The following HEATR3 variants were observed in gnomAD, a reference collection of about 807,000 sequenced individuals.
The protein encoded by HEATR3 is HEAT repeat-containing protein 3.
A neutral mutation model predicts 72.8 loss-of-function variants in HEATR3; 56 were observed. The observed-to-expected ratio is 0.77, with a 90% confidence interval of 0.62 to 0.96. The LOEUF (loss-of-function observed/expected upper bound fraction) is 0.96. Ranked by LOEUF, HEATR3 falls within the 40% of genes least tolerant of loss-of-function variation. HEATR3 has a pLI of 0.00. For missense variants in HEATR3, 747 were observed against 831.4 expected, an observed-to-expected ratio of 0.90 and a Z score of 1.25; for synonymous variants, 331 against 318.1, an observed-to-expected ratio of 1.04 and a Z score of -0.43.
chr16:50,070,385 G>A lies in HEATR3; in HGVS notation c.512+95G>A, dbSNP rs564319698. On this transcript the variant is annotated intron_variant, in intron 4 of 14. Transcript: ENST00000299192. ...TAGGAATCTCTGTTCCCCTTGGTAGGCCTGTTAATCTGGGATGTTAAGACA... is the reference window on the plus strand; with the variant it reads ...TAGGAATCTCTGTTCCCCTTGGTAGACCTGTTAATCTGGGATGTTAAGACA... 1.7e-5 allele frequency: 9 copies of A among 521,660 alleles called. No individual in the cohort carries two copies. The South Asian group carries it at 2.1e-4, about 12-fold the overall frequency. The allele number at this position is 521,660 out of a possible 1,614,324, so 32.3% of individuals were successfully genotyped here.
Position 50,083,126 on chromosome 16 carries a change from T to A in HEATR3, c.1042-811T>A, listed in dbSNP as rs191919437. Among the ~76,000 whole-genome samples the A allele has an allele frequency of 3.8e-4, 58 of 151,856 alleles. 1 individual carries two copies. Among genetic ancestry groups the A allele is most frequent in the African/African-American group, 1.4e-3 (58 of 41,418 alleles). ...TCCAGCCTAGGCAACAGAGTGAGAC[T>A]CTGTCTCTAAGGGGGAAAAAAAAAG... is the stretch of plus-strand genomic sequence containing the variant. On this transcript the variant is annotated intron_variant, in intron 7 of 14. Transcript: ENST00000299192.
At chr16:50,071,302 G>A (rs1486954372) in intron 4 of HEATR3, among the ~76,000 whole-genome samples, 1 of 152,204 alleles carries the variant, frequency 6.6e-6, no homozygotes, top group Non-Finnish European at 1.5e-5. Context: ...AGATTAAGTT[G>A]GATCCTGAAA....
chr16:50,105,375 T>C lies in HEATR3; in HGVS notation c.*314T>C. On this transcript the variant is annotated 3_prime_UTR_variant, in exon 15 of 15. Coordinates refer to ENST00000299192, the MANE Select transcript of HEATR3 (RefSeq NM_182922.4). The stretch of plus-strand genomic sequence containing the variant: ...TACTCGGGAGGCTGAGGGAGGAGAG[T>C]CGGTTGAACCTGGGAGACAGAGGTT... 7.4e-6 allele frequency: 2 copies of C among 271,460 alleles called. No homozygotes were observed. Among genetic ancestry groups the C allele is most frequent in the Non-Finnish European group, 1.4e-5 (2 of 144,332 alleles). The allele number at this position is 271,460 out of a possible 1,614,324, so 16.8% of individuals were successfully genotyped here.
Position 50,090,199 on chromosome 16 carries a change from G to A in HEATR3, c.1510+3848G>A, listed in dbSNP as rs576360745. Among the ~76,000 whole-genome samples, 30 of 152,038 alleles carry A rather than the reference G, an allele frequency of 2.0e-4. 1 individual carries two copies. The South Asian group carries it at 6.0e-3, about 31-fold the overall frequency. On this transcript the variant is annotated intron_variant, in intron 11 of 14. Coordinates refer to ENST00000299192, the MANE Select transcript of HEATR3 (RefSeq NM_182922.4). ...GTGATACCCTGTCTCCTCCAAAAAGGTTTTTTAATTAGCCAGGAGTGGTAT... is the reference window on the plus strand; with the variant it reads ...GTGATACCCTGTCTCCTCCAAAAAGATTTTTTAATTAGCCAGGAGTGGTAT...
rs182924809 is a variant in HEATR3, at chr16:50,104,756, A to G, written c.1921-183A>G. Among the ~76,000 whole-genome samples the G allele has an allele frequency of 3.5e-3, 534 of 152,300 alleles. 2 individuals carry two copies. Among genetic ancestry groups the G allele is most frequent in the African/African-American group, 0.012 (499 of 41,556 alleles). On this transcript the variant is annotated intron_variant, in intron 14 of 14. Transcript: ENST00000299192. ...TTGTAACTATCATTTTTAATAATGCACATTCTCAGTTTATTCTTTACTTAC... is the reference window on the plus strand; with the variant it reads ...TTGTAACTATCATTTTTAATAATGCGCATTCTCAGTTTATTCTTTACTTAC...
Position 50,084,234 on chromosome 16 carries a change from C to A in HEATR3, c.1233C>A (p.Pro411=). Residue 411 remains proline (P), a synonymous_variant, in exon 9 of 15, where the codon CCC becomes CCA. Transcript: ENST00000299192. ...FSECGGQLFS[P]LCLSHEVHTA... ...AGTGCGGGGGACAGCTGTTTTCTCC[C>A]CTCTGCCTCTCCCATGAAGTTCACA... is the stretch of plus-strand genomic sequence containing the variant. 6.2e-7 allele frequency: 1 copy of A among 1,614,102 alleles called. No individual in the cohort carries two copies. Among genetic ancestry groups the A allele is most frequent in the Non-Finnish European group, 8.5e-7 (1 of 1,180,026 alleles).
chr16:50,091,458 C>A (rs1009632964), intron 11 of HEATR3, among the ~76,000 whole-genome samples: 32 of 151,922 alleles, frequency 2.1e-4, no homozygotes, highest in Admixed American at 7.2e-4. Flanking sequence ...CAGAGTGATA[C>A]TCCGTCTAAA....
intron 14 of HEATR3, 99 bp from the exon 15 acceptor site, chr16:50,104,840 T>C: frequency 8.9e-7 from 1 of 1,118,300 alleles, no homozygotes; most frequent in African/African-American, 1.6e-5. Context: ...AGCTATCTGC[T>C]TCAGCAAATG....
At chr16:50,068,323 T>C (rs989453638) in intron 2 of HEATR3, among the ~76,000 whole-genome samples, 2 of 152,190 alleles carry the variant, frequency 1.3e-5, no homozygotes, top group South Asian at 2.1e-4. Flanking sequence ...TTTATTTTTT[T>C]AGAAACGGGG....
chr16:50,105,576 G>T lies in HEATR3; in HGVS notation c.*515G>T. The T allele has an allele frequency of 6.5e-6, 1 of 153,476 alleles. No individual in the cohort carries two copies. The highest frequency in any genetic ancestry group is 1.4e-5 in the Non-Finnish European group (1 of 69,584). 9.5% of individuals were successfully genotyped at this position (153,476 alleles called of 1,614,324 possible). On this transcript the variant is annotated 3_prime_UTR_variant, in exon 15 of 15. Coordinates refer to ENST00000299192, the MANE Select transcript of HEATR3 (RefSeq NM_182922.4). ...TTGTTGTTTTTTTCTTTTTTGAGAT[G>T]GAGTCTCACTGCTGCCCAGGCTGTA...
intron 11 of HEATR3, 129 bp downstream of exon 11, chr16:50,086,480 T>A (rs1360085031): frequency 2.0e-6 from 2 of 1,023,412 alleles, no homozygotes; most frequent in Non-Finnish European, 2.8e-6. Context: ...ACAGGAATCA[T>A]GTATTTATAG....
chr16:50,089,166 A>G (rs907331416), intron 11 of HEATR3, among the ~76,000 whole-genome samples: 1 of 152,104 alleles, frequency 6.6e-6, no homozygotes, highest in Non-Finnish European at 1.5e-5. Flanking sequence ...AATATAACTA[A>G]GCACTTTGAT....
In HEATR3 at chr16:50,089,753, C is replaced by G. The variant is rs540157348; in HGVS notation, c.1510+3402C>G. On this transcript the variant is annotated intron_variant, in intron 11 of 14. Coordinates refer to ENST00000299192, the MANE Select transcript of HEATR3 (RefSeq NM_182922.4). ...GCACGATCTTGGCTCACTGCAATTT[C>G]TGCCCCCCAAGTTCAAGCAATTCTC... 1.9e-4 allele frequency among the ~76,000 whole-genome samples: 29 copies of G among 152,136 alleles called. No homozygotes were observed. In the South Asian group the frequency reaches 5.8e-3, roughly 31 times the overall value.
At chr16:50,084,494 T>C (rs2036944258) in intron 9 of HEATR3, 75 bp from the exon 10 acceptor site, 2 of 1,190,876 alleles carry the variant, frequency 1.7e-6, no homozygotes, top group Non-Finnish European at 2.5e-6. Flanking sequence ...AGGAGTAATA[T>C]GTTGGAATTA....
At position 50,066,100 on chromosome 16, in the gene HEATR3, C is replaced by G. The variant is rs1198188780; in HGVS notation, c.-32C>G. 2 of 1,565,312 alleles carry G rather than the reference C, an allele frequency of 1.3e-6. No individual in the cohort carries two copies. Among genetic ancestry groups the G allele is most frequent in the Non-Finnish European group, 1.7e-6 (2 of 1,158,756 alleles). On this transcript the variant is annotated 5_prime_UTR_variant, in exon 1 of 15. Transcript: ENST00000299192. ...CCACCGCCTGCTGTTGCCCTCCTCT[C>G]TCGGTGGTCTGTCCGCCCAGCGCAC... is the stretch of plus-strand genomic sequence containing the variant.
At position 50,066,247 on chromosome 16, in the gene HEATR3, C is replaced by A. The variant is rs776340593; in HGVS notation, c.116C>A (p.Pro39Gln). 9 of 1,563,240 alleles carry A rather than the reference C, an allele frequency of 5.8e-6. No homozygotes were observed. The highest frequency in any genetic ancestry group is 1.7e-4 in the Middle Eastern group (1 of 5,946). ...NGTGGEEDDG[P>Q]AAELLEKLQH... Reference sequence around the variant, plus strand: ...ACCGGAGGCGAGGAGGACGACGGGCCGGCGGCGGAGCTGCTGGAAAAGGTG... The same window carrying A: ...ACCGGAGGCGAGGAGGACGACGGGCAGGCGGCGGAGCTGCTGGAAAAGGTG... The change falls in exon 1 of 15, where the codon CCG becomes CAG. Residue 39 changes from proline to glutamine, a missense_variant. Pro to Gln is a moderately conservative substitution (Grantham distance 76). Around this residue, in one of 2 missense-constraint regions of HEATR3, gnomAD observed 161 missense variants for 122.6 expected, o/e 1.31. Coordinates refer to ENST00000299192, the MANE Select transcript of HEATR3 (RefSeq NM_182922.4).
At chr16:50,068,662 C>A in intron 2 of HEATR3, 118 bp from the exon 3 acceptor site, 1 of 761,432 alleles carries the variant, frequency 1.3e-6, no homozygotes, top group Non-Finnish European at 2.3e-6. Context: ...ATGACAGAAA[C>A]AATAAGCTAT....
Position 50,105,158 on chromosome 16 carries a change from T to G in HEATR3, c.*97T>G. On this transcript the variant is annotated 3_prime_UTR_variant, in exon 15 of 15. Transcript: ENST00000299192. ...ATGTATATGTTTCTGAAAGTCATTTTTTAATGATTACATTCTGTACATTCT... is the reference window on the plus strand; with the variant it reads ...ATGTATATGTTTCTGAAAGTCATTTGTTAATGATTACATTCTGTACATTCT... 7.6e-7 allele frequency: 1 copy of G among 1,321,694 alleles called. No individual in the cohort carries two copies. Among genetic ancestry groups the G allele is most frequent in the Non-Finnish European group, 1.1e-6 (1 of 945,962 alleles). The allele number at this position is 1,321,694 out of a possible 1,614,324, so 81.9% of individuals were successfully genotyped here. A position where few individuals can be genotyped will look rare whatever the true frequency, so the allele number is the denominator to read the frequency against.
chr16:50,084,430 A>G (rs2036942883), intron 9 of HEATR3, 139 bp downstream of exon 9: 1 of 1,196,750 alleles, frequency 8.4e-7, no homozygotes, highest in African/African-American at 1.5e-5. Context: ...TGAGCCTAAC[A>G]GTACTGGAAA....
Sources: allele counts gnomAD v4.1 joint callset (sites outside exome capture counted in the v4.1 genomes callset), GRCh38; gene constraint gnomAD v4.1.1; regional missense constraint gnomAD v4.1.1; transcripts MANE v1.5; gene names NCBI Gene and HGNC (gene_info 2026-07-23, HGNC 2026-07-21).